Variants in RYK observed in about 807,000 individuals in gnomAD.
The protein encoded by RYK is inactive tyrosine-protein kinase RYK.
A neutral mutation model predicts 70.2 loss-of-function variants in RYK; 21 were observed. The ratio of observed to expected loss-of-function variants is 0.30; its 90% CI spans 0.21 to 0.43. The LOEUF is 0.43. RYK is among the 20% of genes least tolerant of loss of function. The pLI, the probability that RYK is intolerant of heterozygous loss-of-function variation, is 1.00. For missense variants in RYK, 604 were observed against 753.3 expected, an observed-to-expected ratio of 0.80 and a Z score of 2.32; for synonymous variants, 267 against 278.0, an observed-to-expected ratio of 0.96 and a Z score of 0.39.
chr3:134,168,388 T>C (rs1335828357), intron 13 of RYK, among the ~76,000 whole-genome samples: 1 of 152,094 alleles, frequency 6.6e-6, no homozygotes, highest in Admixed American at 6.6e-5. Flanking sequence ...CCATCAATGA[T>C]AGACTGGATT....
intron 1 of RYK, among the ~76,000 whole-genome samples, chr3:134,229,379 GGAAAAAAA>G (rs2014997780): frequency 1.6e-5 from 1 of 61,464 alleles, no homozygotes; most frequent in African/African-American, 6.6e-5. Flanking sequence ...CCTTTGGGCT[GGAAAAAAA>G]AAAAAAAAAA....
intron 13 of RYK, among the ~76,000 whole-genome samples, chr3:134,173,072 T>C (rs1230088253): frequency 3.3e-5 from 5 of 152,242 alleles, no homozygotes; most frequent in Admixed American, 6.5e-5. Context: ...ATAGTTTATC[T>C]TGAGTTAAAA....
intron 13 of RYK, among the ~76,000 whole-genome samples, chr3:134,169,030 T>C (rs1246197930): frequency 6.6e-6 from 1 of 152,148 alleles, no homozygotes; most frequent in Non-Finnish European, 1.5e-5. Flanking sequence ...TTCTAGGTGA[T>C]CATTGATAGT....
intron 5 of RYK, among the ~76,000 whole-genome samples, chr3:134,204,641 T>C: frequency 1.1e-5 from 1 of 91,088 alleles, no homozygotes; most frequent in Non-Finnish European, 2.3e-5. Flanking sequence ...AGAAGCAAAC[T>C]GAGAAAAAAC....
Position 134,177,713 on chromosome 3 carries a change from C to G in RYK, c.1305+228G>C, listed in dbSNP as rs181650812. Among the ~76,000 whole-genome samples the G allele has an allele frequency of 2.9e-3, 435 of 152,182 alleles. 2 individuals carry two copies. The highest frequency in any genetic ancestry group is 9.2e-3 in the African/African-American group (380 of 41,504). ...GAGTTGATTATGAATAAGTACACAA[C>G]GAGAATATAAGGAAAACTTCAGCAT... On this transcript the variant is annotated intron_variant, in intron 11 of 14. Transcript: ENST00000623711.
At chr3:134,165,056 C>G (rs914455311) in intron 13 of RYK, among the ~76,000 whole-genome samples, 5 of 152,164 alleles carry the variant, frequency 3.3e-5, no homozygotes, top group African/African-American at 1.2e-4. Context: ...TGTACCTCTC[C>G]TATTGTGTAT....
At chr3:134,249,727 TC>T (rs1419993647) in intron 1 of RYK, among the ~76,000 whole-genome samples, 4 of 151,942 alleles carry the variant, frequency 2.6e-5, no homozygotes, top group African/African-American at 9.7e-5. Context: ...AAGTACAGAG[TC>T]AGTCCAAACT....
intron 1 of RYK, among the ~76,000 whole-genome samples, chr3:134,227,510 G>T (rs574321729): frequency 6.6e-6 from 1 of 150,910 alleles, no homozygotes; most frequent in Non-Finnish European, 1.5e-5. Flanking sequence ...TTCAACAAGC[G>T]ATGTAAAGCA....
chr3:134,205,296 T>C (rs1379695026), intron 5 of RYK, among the ~76,000 whole-genome samples: 1 of 152,160 alleles, frequency 6.6e-6, no homozygotes, highest in Non-Finnish European at 1.5e-5. Context: ...CTTACAGCTT[T>C]CAAAAACACA....
chr3:134,191,374 T>C (rs960425236), intron 8 of RYK, among the ~76,000 whole-genome samples: 2 of 152,148 alleles, frequency 1.3e-5, no homozygotes, highest in African/African-American at 4.8e-5. Context: ...TCCAAATTTA[T>C]AGAGGAGGGA....
chr3:134,192,169 C>T (rs1447851959), intron 7 of RYK, among the ~76,000 whole-genome samples, 195 bp from the exon 8 acceptor site: 2 of 152,106 alleles, frequency 1.3e-5, no homozygotes, highest in Non-Finnish European at 2.9e-5. Flanking sequence ...TCTCCTCACC[C>T]ACCACAATAC....
intron 6 of RYK, among the ~76,000 whole-genome samples, chr3:134,197,177 A>G (rs759901127): frequency 1.3e-5 from 2 of 152,240 alleles, no homozygotes; most frequent in Non-Finnish European, 2.9e-5. Context: ...AAGATTCATT[A>G]GGCTATCATC....
chr3:134,238,833 T>C (rs142831916), intron 1 of RYK, among the ~76,000 whole-genome samples: 51 of 152,112 alleles, frequency 3.4e-4, no homozygotes, highest in African/African-American at 1.1e-3. Context: ...AGATGGAAAA[T>C]AGACTGGATA....
At chr3:134,235,304 C>T (rs1192188441) in intron 1 of RYK, among the ~76,000 whole-genome samples, 1 of 149,550 alleles carries the variant, frequency 6.7e-6, no homozygotes, top group Non-Finnish European at 1.5e-5. Context: ...TAATATATGG[C>T]ATTTTTCTTC....
chr3:134,207,308 G>C lies in RYK; in HGVS notation c.643+164C>G, dbSNP rs545697656. On this transcript the variant is annotated intron_variant, in intron 5 of 14. Coordinates refer to ENST00000623711, the MANE Select transcript of RYK (RefSeq NM_002958.4). ...TCTCAAAATATTCAATATTCTAACA[G>C]TTTCATGACCTATCCACCAGTCTAC... Among the ~76,000 whole-genome samples, 11 of 152,272 alleles carry C rather than the reference G, an allele frequency of 7.2e-5. No individual in the cohort carries two copies. The East Asian group carries it at 1.7e-3, about 24-fold the overall frequency.
chr3:134,184,536 G>C (rs908166246), intron 9 of RYK, among the ~76,000 whole-genome samples: 2 of 152,088 alleles, frequency 1.3e-5, no homozygotes, highest in Non-Finnish European at 2.9e-5. Context: ...TGAAGCAGGG[G>C]GATCACTTAA....
At chr3:134,163,580 T>C (rs2012555655) in intron 13 of RYK, among the ~76,000 whole-genome samples, 1 of 151,078 alleles carries the variant, frequency 6.6e-6, no homozygotes, top group African/African-American at 2.4e-5. Flanking sequence ...ATGTGACTTG[T>C]CAAAAAGTAT....
chr3:134,166,338 G>T (rs2012666664), intron 13 of RYK, among the ~76,000 whole-genome samples: 1 of 152,064 alleles, frequency 6.6e-6, no homozygotes. Flanking sequence ...CACCGAACCT[G>T]CTGGTACCTA....
Position 134,222,101 on chromosome 3 carries a change from C to G in RYK, c.354+317G>C, listed in dbSNP as rs559079975. Among the ~76,000 whole-genome samples the G allele has an allele frequency of 3.3e-5, 5 of 152,306 alleles. No individual in the cohort carries two copies. The East Asian group carries it at 9.6e-4, about 29-fold the overall frequency. Reference sequence around the variant, plus strand: ...CTACACCCATCTCCTTTCACCACAGCAGCACAGGCATTATTGGGTCCAACT... The same window carrying G: ...CTACACCCATCTCCTTTCACCACAGGAGCACAGGCATTATTGGGTCCAACT... On this transcript the variant is annotated intron_variant, in intron 2 of 14. Coordinates refer to ENST00000623711, the MANE Select transcript of RYK (RefSeq NM_002958.4).
Sources: gnomAD v4.1 joint callset for allele counts (sites outside exome capture counted in the v4.1 genomes callset) on GRCh38, gnomAD v4.1.1 for gene constraint, MANE v1.5 for transcripts, NCBI Gene and HGNC (gene_info 2026-07-23, HGNC 2026-07-21) for gene names.